Variants in UNC5D observed in about 807,000 individuals in gnomAD.
UNC5D encodes unc-5 netrin receptor D.
Under a neutral mutation model 105.4 loss-of-function variants are expected in UNC5D, and 39 were observed. The ratio of observed to expected loss-of-function variants is 0.37; its 90% CI spans 0.29 to 0.48. The LOEUF is 0.48. UNC5D is among the 20% of genes least tolerant of loss of function. The pLI is 0.98. For missense variants in UNC5D, 991 were observed against 1,202.4 expected, an observed-to-expected ratio of 0.82 and a Z score of 2.60; for synonymous variants, 452 against 450.4, an observed-to-expected ratio of 1.00 and a Z score of -0.04.
intron 13 of UNC5D, among the ~76,000 whole-genome samples, chr8:35,753,300 G>T (rs772560016): frequency 6.6e-6 from 1 of 151,774 alleles, no homozygotes; most frequent in African/African-American, 2.4e-5. Flanking sequence ...ATGGAGTCTC[G>T]CTCTGTCCCC....
At chr8:35,790,327 T>G (rs1802978917) in intron 16 of UNC5D, 32 bp from the exon 17 acceptor site, 1 of 1,601,406 alleles carries the variant, frequency 6.2e-7, no homozygotes. Flanking sequence ...CATGTTTCGT[T>G]TTGTTCTTTG....
chr8:35,583,682 G>T (rs893432060), intron 3 of UNC5D, among the ~76,000 whole-genome samples: 1 of 152,166 alleles, frequency 6.6e-6, no homozygotes, highest in South Asian at 2.1e-4. Context: ...AGTTATCAGT[G>T]TATTTTCCCT....
At chr8:35,594,112 C>T (rs987767234) in intron 3 of UNC5D, among the ~76,000 whole-genome samples, 3 of 152,098 alleles carry the variant, frequency 2.0e-5, no homozygotes, top group Non-Finnish European at 4.4e-5. Context: ...CAGGGGACAG[C>T]AGAGAAATGA....
chr8:35,307,634 T>A (rs1808522975), intron 1 of UNC5D, among the ~76,000 whole-genome samples: 1 of 152,134 alleles, frequency 6.6e-6, no homozygotes, highest in Non-Finnish European at 1.5e-5. Context: ...TAGATTTAAT[T>A]GATAGAGTTT....
At chr8:35,501,748 A>T (rs1811986966) in intron 1 of UNC5D, among the ~76,000 whole-genome samples, 1 of 152,212 alleles carries the variant, frequency 6.6e-6, no homozygotes, top group African/African-American at 2.4e-5. Flanking sequence ...TACTTCATAA[A>T]TATAAAATTC....
At chr8:35,787,504 T>C (rs186076839) in intron 16 of UNC5D, among the ~76,000 whole-genome samples, 52 of 152,280 alleles carry the variant, frequency 3.4e-4, no homozygotes, top group African/African-American at 1.2e-3. Flanking sequence ...GTGTGCCTTC[T>C]ACCTGGGTTT....
At chr8:35,489,748 C>A (rs749940583) in intron 1 of UNC5D, among the ~76,000 whole-genome samples, 1 of 152,102 alleles carries the variant, frequency 6.6e-6, no homozygotes, top group Admixed American at 6.5e-5. Context: ...TATTAAGGAG[C>A]CCATTGTATT....
At chr8:35,276,221 C>T (rs1420340051) in intron 1 of UNC5D, among the ~76,000 whole-genome samples, 2 of 152,136 alleles carry the variant, frequency 1.3e-5, no homozygotes, top group African/African-American at 4.8e-5. Flanking sequence ...TAAGCTTGCC[C>T]TCTGAGTGTT....
At chr8:35,393,882 T>C (rs1338468701) in intron 1 of UNC5D, among the ~76,000 whole-genome samples, 1 of 152,224 alleles carries the variant, frequency 6.6e-6, no homozygotes, top group East Asian at 1.9e-4. Flanking sequence ...TTTACACTTT[T>C]GTGTGGCTGA....
rs1263949112 is a variant in UNC5D at position 35,423,893 on chromosome 8, T to C, written c.104-125399T>C. The stretch of plus-strand genomic sequence containing the variant: ...TTTGAGACAGATTCTCACTCTTCCC[T>C]GCAGGCAGAAGTTCAGTGTTACAGT... On this transcript the variant is annotated intron_variant, in intron 1 of 16. Transcript: ENST00000404895. 1.3e-4 allele frequency among the ~76,000 whole-genome samples: 19 copies of C among 150,436 alleles called. No individual in the cohort carries two copies. In the East Asian group the frequency reaches 3.3e-3, roughly 26 times the overall value.
At chr8:35,337,909 AATTG>A (rs1237090980) in intron 1 of UNC5D, among the ~76,000 whole-genome samples, 1 of 152,240 alleles carries the variant, frequency 6.6e-6, no homozygotes, top group Non-Finnish European at 1.5e-5. Context: ...GCATTATCCA[AATTG>A]ATTGGCATAC....
intron 1 of UNC5D, among the ~76,000 whole-genome samples, chr8:35,516,484 T>A (rs898969658): frequency 6.6e-6 from 1 of 152,216 alleles, no homozygotes; most frequent in African/African-American, 2.4e-5. Flanking sequence ...TGTTGAGGGC[T>A]TTGACAATCT....
intron 4 of UNC5D, among the ~76,000 whole-genome samples, chr8:35,604,867 G>C (rs1266387844): frequency 6.6e-6 from 1 of 152,182 alleles, no homozygotes; most frequent in African/African-American, 2.4e-5. Flanking sequence ...TCGTCACGTA[G>C]TTCTCGTGCC....
intron 1 of UNC5D, among the ~76,000 whole-genome samples, chr8:35,418,984 G>A (rs763903418): frequency 2.6e-5 from 4 of 152,176 alleles, no homozygotes; most frequent in Admixed American, 6.5e-5. Context: ...CTGGGACCCT[G>A]AGAATTTGAA....
At chr8:35,546,749 A>G (rs1815712697) in intron 1 of UNC5D, among the ~76,000 whole-genome samples, 1 of 152,228 alleles carries the variant, frequency 6.6e-6, no homozygotes, top group African/African-American at 2.4e-5. Flanking sequence ...GTAACAAAAC[A>G]AATTAATATG....
intron 4 of UNC5D, among the ~76,000 whole-genome samples, chr8:35,642,809 A>C (rs1384668701): frequency 6.6e-6 from 1 of 152,158 alleles, no homozygotes; most frequent in African/African-American, 2.4e-5. Flanking sequence ...AGACATTTTA[A>C]TGATGTCCTA....
chr8:35,677,388 G>A (rs576114857), intron 4 of UNC5D, among the ~76,000 whole-genome samples: 8 of 152,152 alleles, frequency 5.3e-5, no homozygotes, highest in South Asian at 2.1e-4. Context: ...TGGGGGTCTC[G>A]TACCCAGCAC....
intron 1 of UNC5D, among the ~76,000 whole-genome samples, chr8:35,327,623 T>C (rs979740569): frequency 6.6e-5 from 10 of 152,162 alleles, no homozygotes; most frequent in African/African-American, 2.4e-4. Flanking sequence ...AAGATACTTA[T>C]CTGTTGTGGG....
chr8:35,261,958 G>A (rs1804529613), intron 1 of UNC5D, among the ~76,000 whole-genome samples: 1 of 152,148 alleles, frequency 6.6e-6, no homozygotes, highest in African/African-American at 2.4e-5. Flanking sequence ...AAAAATAAAA[G>A]TGGGTTATTG....
Sources: gnomAD v4.1 joint callset for allele counts (sites outside exome capture counted in the v4.1 genomes callset) on GRCh38, gnomAD v4.1.1 for gene constraint, MANE v1.5 for transcripts, NCBI Gene and HGNC (gene_info 2026-07-23, HGNC 2026-07-21) for gene names.